PLCB4: variants seen among roughly 807,000 people sequenced by gnomAD.
PLCB4 encodes 1-phosphatidylinositol 4,5-bisphosphate phosphodiesterase beta-4.
Under a neutral mutation model 178.8 loss-of-function variants are expected in PLCB4, and 77 were observed. The ratio of observed to expected loss-of-function variants is 0.43; its 90% confidence interval spans 0.36 to 0.52. PLCB4 has a LOEUF of 0.52. Among genes scored for constraint, PLCB4 ranks in the 20% least tolerant of loss-of-function variants. The probability of loss-of-function intolerance (pLI) is 0.00; values close to 1 mark genes in which losing one functional copy is unlikely to be tolerated. For missense variants in PLCB4, 1,024 were observed against 1,453.4 expected (o/e 0.70, Z 4.80); for synonymous variants, 496 against 490.8 (o/e 1.01, Z -0.14).
At position 9,413,213 on chromosome 20, in the gene PLCB4, C is replaced by T. The variant is rs571971877; in HGVS notation, c.2051+2125C>T. ...GGCCCGGTGATGCTTGAAGCACTTT[C>T]CTTGCCCACCTCAGCGATCACACCT... On this transcript the variant is annotated intron_variant, in intron 25 of 39. Transcript: ENST00000378473. Among the ~76,000 whole-genome samples, 448 of 152,256 alleles carry T rather than the reference C, an allele frequency of 2.9e-3. 3 individuals are homozygous for T. Among genetic ancestry groups the T allele is most frequent in the African/African-American group, 0.01 (419 of 41,554 alleles).
chr20:9,214,190 A>T (rs552909813), intron 2 of PLCB4, among the ~76,000 whole-genome samples: 1 of 152,320 alleles, frequency 6.6e-6, no homozygotes, highest in East Asian at 1.9e-4. Flanking sequence ...TTCTGGTCAC[A>T]AGGATGGTGC....
At chr20:9,369,373 A>G (rs1181561334) in intron 9 of PLCB4, among the ~76,000 whole-genome samples, 1 of 152,216 alleles carries the variant, frequency 6.6e-6, no homozygotes, top group East Asian at 1.9e-4. Context: ...TTATGAAATA[A>G]TAGTCACCCT....
chr20:9,254,345 T>C (rs1165947183), intron 3 of PLCB4, among the ~76,000 whole-genome samples: 1 of 152,202 alleles, frequency 6.6e-6, no homozygotes, highest in Non-Finnish European at 1.5e-5. Flanking sequence ...GATAAAAATG[T>C]CTCAGCCTAG....
chr20:9,287,407 TTCTG>T (rs1179844798), intron 3 of PLCB4, among the ~76,000 whole-genome samples: 2 of 152,066 alleles, frequency 1.3e-5, no homozygotes, highest in Non-Finnish European at 2.9e-5. Context: ...TTAACCATGT[TTCTG>T]TCTGATTCTT....
rs570649434 is a variant in PLCB4 at position 9,375,052 on chromosome 20, C to T, written c.744+1948C>T. ...TCTTTAGGTCATAGGAACTGTAAGACTACTCAGGAAAGTCTATAGCCTTTA... is the reference window on the plus strand; with the variant it reads ...TCTTTAGGTCATAGGAACTGTAAGATTACTCAGGAAAGTCTATAGCCTTTA... On this transcript the variant is annotated intron_variant, in intron 12 of 39. Coordinates refer to ENST00000378473, the MANE Select transcript of PLCB4 (RefSeq NM_001377142.1). Among the ~76,000 whole-genome samples the T allele has an allele frequency of 3.9e-5, 6 of 152,148 alleles. No homozygotes were observed. The South Asian group carries it at 1.2e-3, about 32-fold the overall frequency.
intron 1 of PLCB4, among the ~76,000 whole-genome samples, chr20:9,090,326 C>T (rs6056397): frequency 2.0e-5 from 3 of 151,336 alleles, no homozygotes; most frequent in Non-Finnish European, 2.9e-5. Context: ...CAAAGAGAAT[C>T]GAGCTATTAT....
chr20:9,230,003 G>A (rs945430540), intron 3 of PLCB4, among the ~76,000 whole-genome samples: 1 of 152,070 alleles, frequency 6.6e-6, no homozygotes, highest in African/African-American at 2.4e-5. Context: ...ACCATAGACT[G>A]GATGGCCTAA....
In PLCB4 at chr20:9,315,951, A is replaced by T. The variant is rs183752254; in HGVS notation, c.84+8053A>T. Among the ~76,000 whole-genome samples the T allele has an allele frequency of 5.6e-3, 851 of 151,224 alleles. 4 individuals carry two copies. The highest frequency in any genetic ancestry group is 0.019 in the African/African-American group (771 of 41,244). ...GCGAGATTCTGTCTAAAAAAAAATT[A>T]AAAAAAAAGAGCCAGTTTGGCCAAG... On this transcript the variant is annotated intron_variant, in intron 4 of 39. Transcript: ENST00000378473.
At chr20:9,200,415 C>A (rs901318423) in intron 2 of PLCB4, among the ~76,000 whole-genome samples, 1 of 152,198 alleles carries the variant, frequency 6.6e-6, no homozygotes, top group Non-Finnish European at 1.5e-5. Context: ...CAGACTCTTG[C>A]AGTAGCCTGT....
At chr20:9,181,749 C>T (rs747025857) in intron 2 of PLCB4, among the ~76,000 whole-genome samples, 1 of 152,098 alleles carries the variant, frequency 6.6e-6, no homozygotes, top group South Asian at 2.1e-4. Flanking sequence ...TACCATTACA[C>T]TGGGGATTGG....
At chr20:9,280,896 AAGGAAGGAGAC>A (rs1159992620) in intron 3 of PLCB4, among the ~76,000 whole-genome samples, 1 of 151,794 alleles carries the variant, frequency 6.6e-6, no homozygotes, top group Non-Finnish European at 1.5e-5. Flanking sequence ...TAGTTCAGCA[AAGGAAGGAGAC>A]AGGAAGGAGA....
intron 2 of PLCB4, among the ~76,000 whole-genome samples, chr20:9,144,489 A>G (rs908283670): frequency 1.6e-4 from 24 of 151,860 alleles, no homozygotes; most frequent in African/African-American, 5.8e-4. Context: ...AATACTATAC[A>G]GCCCTTTGCA....
At chr20:9,179,375 A>C (rs1169758556) in intron 2 of PLCB4, among the ~76,000 whole-genome samples, 1 of 152,110 alleles carries the variant, frequency 6.6e-6, no homozygotes, top group African/African-American at 2.4e-5. Context: ...TCCTTGGCTC[A>C]TGGCCCCATT....
intron 2 of PLCB4, among the ~76,000 whole-genome samples, chr20:9,211,197 C>T (rs921850237): frequency 6.6e-6 from 1 of 152,130 alleles, no homozygotes; most frequent in South Asian, 2.1e-4. Context: ...CCTCTTATCT[C>T]GTCTCACTCT....
chr20:9,364,185 A>G (rs1426772443), intron 8 of PLCB4, among the ~76,000 whole-genome samples: 1 of 152,250 alleles, frequency 6.6e-6, no homozygotes, highest in Non-Finnish European at 1.5e-5. Context: ...TTGCCCTGGC[A>G]TGTGTTTTTA....
chr20:9,423,886 C>A lies in PLCB4; in HGVS notation c.2458C>A (p.Pro820Thr). The change falls in exon 28 of 40, where the codon CCA (proline) becomes ACA (threonine). Residue 820 changes from proline to threonine, a missense_variant. This residue lies in a region of PLCB4 where 227 missense variants were observed against 374.3 expected (regional missense o/e 0.61). Coordinates refer to ENST00000378473, the MANE Select transcript of PLCB4 (RefSeq NM_001377142.1). The stretch of plus-strand genomic sequence containing the variant: ...TTCCCTTCGAAATGAGGGAAATAAA[C>A]CATTATCACTACCAACAATTTTCTG... Reference protein sequence around the residue: ...HISLRNEGNKPLSLPTIFCNI... With the variant: ...HISLRNEGNKTLSLPTIFCNI... 1 of 1,613,452 alleles carries A rather than the reference C, an allele frequency of 6.2e-7. No individual in the cohort carries two copies. Among genetic ancestry groups the A allele is most frequent in the Non-Finnish European group, 8.5e-7 (1 of 1,179,412 alleles).
intron 30 of PLCB4, among the ~76,000 whole-genome samples, chr20:9,441,487 G>C (rs2042099289): frequency 1.3e-5 from 2 of 152,158 alleles, no homozygotes; most frequent in Non-Finnish European, 2.9e-5. Flanking sequence ...GTTTATTCTG[G>C]GAGGCAGTGG....
At chr20:9,345,229 A>AT (rs1369563997) in intron 7 of PLCB4, among the ~76,000 whole-genome samples, 1 of 151,890 alleles carries the variant, frequency 6.6e-6, no homozygotes, top group African/African-American at 2.4e-5. Context: ...GTATTTTCCC[A>AT]TTTTTTTCTA....
intron 2 of PLCB4, among the ~76,000 whole-genome samples, chr20:9,112,884 C>T (rs1020092346): frequency 1.3e-4 from 19 of 151,638 alleles, no homozygotes; most frequent in Non-Finnish European, 2.7e-4. Context: ...TCCTCTTGCC[C>T]TTTTTAAAAA....
Sources: gnomAD v4.1 joint callset for allele counts (sites outside exome capture counted in the v4.1 genomes callset) on GRCh38, gnomAD v4.1.1 for gene constraint, gnomAD v4.1.1 regional missense constraint, MANE v1.5 for transcripts, NCBI Gene and HGNC (gene_info 2026-07-23, HGNC 2026-07-21) for gene names.